Variants in NOL4L observed in about 807,000 individuals in gnomAD.
The protein encoded by NOL4L is nucleolar protein 4 like.
In NOL4L, 7 loss-of-function variants were observed where a neutral mutation model predicts 64.5. The observed-to-expected ratio is 0.11, with a 90% CI of 0.06 to 0.20. The LOEUF is 0.20. Ranked by LOEUF, NOL4L falls within the 10% of genes least tolerant of loss-of-function variation. The pLI is 1.00. For missense variants in NOL4L, 680 were observed against 967.1 expected, an observed-to-expected ratio of 0.70 and a Z score of 3.94; for synonymous variants, 413 against 401.0, an observed-to-expected ratio of 1.03 and a Z score of -0.36.
At chr20:32,455,057 G>T (rs906411564) in intron 6 of NOL4L, among the ~76,000 whole-genome samples, 9 of 152,334 alleles carry the variant, frequency 5.9e-5, no homozygotes, top group Admixed American at 5.2e-4. Context: ...ATAACTGGCC[G>T]TGTGGCCCCA....
At chr20:32,522,097 G>A (rs1189651624) in intron 2 of NOL4L, among the ~76,000 whole-genome samples, 1 of 152,244 alleles carries the variant, frequency 6.6e-6, no homozygotes, top group South Asian at 2.1e-4. Context: ...GCGGGGCTGG[G>A]GAGTGGAGTT....
intron 5 of NOL4L, among the ~76,000 whole-genome samples, chr20:32,471,970 T>G (rs1192611105): frequency 6.6e-6 from 1 of 152,174 alleles, no homozygotes; most frequent in East Asian, 1.9e-4. Flanking sequence ...AAACCTCTTT[T>G]CTTTATAAAT....
At chr20:32,575,696 G>A (rs1980053144) in intron 1 of NOL4L, among the ~76,000 whole-genome samples, 1 of 152,220 alleles carries the variant, frequency 6.6e-6, no homozygotes, top group South Asian at 2.1e-4. Context: ...CCCTGCTAGT[G>A]CTCATGGCCT....
intron 1 of NOL4L, among the ~76,000 whole-genome samples, chr20:32,568,099 A>C (rs890798333): frequency 6.6e-6 from 1 of 151,806 alleles, no homozygotes; most frequent in Non-Finnish European, 1.5e-5. Flanking sequence ...TACCATTACC[A>C]TCACCACTAT....
At chr20:32,489,965 C>A (rs189091385) in intron 4 of NOL4L, among the ~76,000 whole-genome samples, 1 of 151,598 alleles carries the variant, frequency 6.6e-6, no homozygotes, top group Non-Finnish European at 1.5e-5. Context: ...CCTGTCTCTA[C>A]TAAAAATACA....
intron 1 of NOL4L, among the ~76,000 whole-genome samples, chr20:32,578,108 AAAGGAAGG>A (rs1333476438): frequency 1.5e-4 from 13 of 88,284 alleles, no homozygotes; most frequent in Non-Finnish European, 2.6e-4. Flanking sequence ...AGAAAGAGAG[AAAGGAAGG>A]AAGGAAGGAA....
chr20:32,555,618 G>C (rs1455413758), intron 1 of NOL4L, among the ~76,000 whole-genome samples: 1 of 152,096 alleles, frequency 6.6e-6, no homozygotes, highest in East Asian at 1.9e-4. Context: ...CTTTCAAGAG[G>C]TGACTAAGTT....
chr20:32,512,238 C>A (rs973521143), intron 3 of NOL4L, among the ~76,000 whole-genome samples: 1 of 152,170 alleles, frequency 6.6e-6, no homozygotes, highest in South Asian at 2.1e-4. Context: ...CAGCTTTGCT[C>A]ATTTGCAAGT....
chr20:32,504,987 CTGA>C (rs2017083064), intron 4 of NOL4L, among the ~76,000 whole-genome samples: 1 of 152,228 alleles, frequency 6.6e-6, no homozygotes, highest in African/African-American at 2.4e-5. Flanking sequence ...TATTACTCCT[CTGA>C]ACTCCCAGTT....
At chr20:32,564,802 G>C (rs1979320736) in intron 1 of NOL4L, among the ~76,000 whole-genome samples, 1 of 152,264 alleles carries the variant, frequency 6.6e-6, no homozygotes, top group Non-Finnish European at 1.5e-5. Flanking sequence ...CAGTGCCTCG[G>C]GGGGCTGAAG....
chr20:32,571,672 G>A (rs1979753295), intron 1 of NOL4L, among the ~76,000 whole-genome samples: 1 of 152,144 alleles, frequency 6.6e-6, no homozygotes, highest in Non-Finnish European at 1.5e-5. Flanking sequence ...TTCCTCCCCA[G>A]CCACCAAGGC....
At chr20:32,570,231 T>G (rs1461178473) in intron 1 of NOL4L, among the ~76,000 whole-genome samples, 5 of 152,094 alleles carry the variant, frequency 3.3e-5, no homozygotes, top group African/African-American at 4.8e-5. Context: ...TGAATCAGGA[T>G]CTTATCAATG....
chr20:32,474,680 G>C lies in NOL4L; in HGVS notation c.762C>G (p.Asp254Glu). 1.2e-6 allele frequency: 2 copies of C among 1,613,852 alleles called. No individual in the cohort carries two copies. Among genetic ancestry groups the C allele is most frequent in the Non-Finnish European group, 8.5e-7 (1 of 1,179,972 alleles). ...DMSDSTWMSA[D>E]PHLASSLSPS... ...GGCTCAGGCTGGAGGCCAGGTGCGG[G>C]TCAGCTGACATCCATGTGGAGTCGC... The change falls in exon 5 of 11, where the codon GAC becomes GAG. Residue 254 changes from aspartate to glutamate, a missense_variant. Asp to Glu is a conservative substitution (Grantham distance 45). Around this residue, in one of 4 missense-constraint regions of NOL4L, gnomAD observed 254 missense variants for 238.7 expected, o/e 1.06. Transcript: ENST00000621426.
At chr20:32,565,521 C>T (rs1979374982) in intron 1 of NOL4L, among the ~76,000 whole-genome samples, 1 of 152,202 alleles carries the variant, frequency 6.6e-6, no homozygotes. Context: ...GCCCCGCACC[C>T]CCTGGGCTCT....
intron 6 of NOL4L, among the ~76,000 whole-genome samples, chr20:32,454,399 C>A (rs6057584): frequency 6.6e-6 from 1 of 152,164 alleles, no homozygotes; most frequent in African/African-American, 2.4e-5. Context: ...TGAGAATATG[C>A]GGGTAGAAAG....
intron 2 of NOL4L, among the ~76,000 whole-genome samples, chr20:32,523,566 G>A (rs1457347112): frequency 6.6e-6 from 1 of 152,202 alleles, no homozygotes; most frequent in Non-Finnish European, 1.5e-5. Context: ...TAGTTAATAG[G>A]ATGGTGGTTT....
intron 5 of NOL4L, among the ~76,000 whole-genome samples, chr20:32,466,690 A>C (rs2014585180): frequency 1.3e-5 from 2 of 152,298 alleles, no homozygotes; most frequent in South Asian, 4.1e-4. Flanking sequence ...AATGGGGCCC[A>C]GCTCTGGTTT....
chr20:32,446,239 C>CAATT lies in NOL4L; in HGVS notation c.*1356_*1357insAATT, dbSNP rs1484787118. Reference sequence around the variant, plus strand: ...CAAGAGGAAGTGCCTATCAATCAATCAATCAGGGAGGAAGGAAACCAGGCC... The same window carrying CAATT: ...CAAGAGGAAGTGCCTATCAATCAATCAATTAATCAGGGAGGAAGGAAACCAGGCC... On this transcript the variant is annotated 3_prime_UTR_variant, in exon 11 of 11. Coordinates refer to ENST00000621426, the MANE Select transcript of NOL4L (RefSeq NM_001256798.2). 6.6e-6 allele frequency: 1 copy of CAATT among 152,296 alleles called. No individual in the cohort carries two copies. Among genetic ancestry groups the CAATT allele is most frequent in the Non-Finnish European group, 1.5e-5 (1 of 68,200 alleles). 9.4% of individuals were successfully genotyped at this position (152,296 alleles called of 1,614,324 possible).
intron 1 of NOL4L, among the ~76,000 whole-genome samples, chr20:32,553,604 A>G (rs1978448357): frequency 6.6e-6 from 1 of 152,302 alleles, no homozygotes; most frequent in South Asian, 2.1e-4. Flanking sequence ...TTTAGGGTTC[A>G]TGGTCTGTCT....
Sources: gnomAD v4.1 joint callset for allele counts (sites outside exome capture counted in the v4.1 genomes callset) on GRCh38, gnomAD v4.1.1 for gene constraint, gnomAD v4.1.1 regional missense constraint, MANE v1.5 for transcripts, NCBI Gene and HGNC (gene_info 2026-07-23, HGNC 2026-07-21) for gene names.